The following LRRC27 variants were observed in gnomAD, a reference collection of about 807,000 sequenced individuals.
The protein encoded by LRRC27 is leucine rich repeat containing 27.
LRRC27 carries 57 observed loss-of-function variants against 55.0 expected under a neutral mutation model. That is an observed-to-expected ratio of 1.04 (90% CI 0.84 to 1.29). The LOEUF (loss-of-function observed/expected upper bound fraction) is 1.29. Ranked by LOEUF, LRRC27 falls within the 50% of genes most tolerant of loss-of-function variation. LRRC27 has a pLI of 0.00. For missense variants in LRRC27, 721 were observed against 651.5 expected (o/e 1.11, Z -1.16); for synonymous variants, 278 against 251.9 (o/e 1.10, Z -0.98).
chr10:132,373,438 G>A (rs548641776), intron 10 of LRRC27, among the ~76,000 whole-genome samples: 18 of 152,240 alleles, frequency 1.2e-4, no homozygotes, highest in Non-Finnish European at 2.5e-4. Context: ...AGAGCAGGAC[G>A]GACCCACGGA....
chr10:132,344,291 TG>T (rs756601131), intron 4 of LRRC27, among the ~76,000 whole-genome samples: 1 of 152,244 alleles, frequency 6.6e-6, no homozygotes, highest in African/African-American at 2.4e-5. Flanking sequence ...ATTTGTTTTT[TG>T]GAAACCATCC....
At chr10:132,364,509 C>CACA (rs1564853809) in intron 9 of LRRC27, among the ~76,000 whole-genome samples, 3 of 4,540 alleles carry the variant, frequency 6.6e-4, no homozygotes, top group African/African-American at 1.2e-3. Context: ...TTACATCTAC[C>CACA]TCCACACTCG....
At position 132,374,936 on chromosome 10, in the gene LRRC27, C is replaced by CG. The variant is rs2069310352; in HGVS notation, c.1417-126dup. ...GCCGTGATGCGGCTTGCAGGGGCCC[C>CG]GGGGCAGCGGGGCTGGCTCTGCTGA... On this transcript the variant is annotated intron_variant, in intron 10 of 10. Transcript: ENST00000368614. The surrounding 1 kb of genome is among the most constrained non-coding windows in gnomAD (Gnocchi z 4.4). The CG allele has an allele frequency of 3.9e-6, 4 of 1,013,788 alleles. No individual in the cohort carries two copies. Among genetic ancestry groups the CG allele is most frequent in the Non-Finnish European group, 2.8e-6 (2 of 701,768 alleles). 62.8% of individuals were successfully genotyped at this position (1,013,788 alleles called of 1,614,324 possible). A position where few individuals can be genotyped will look rare whatever the true frequency, so the allele number is the denominator to read the frequency against.
At position 132,333,466 on chromosome 10, in the gene LRRC27, C is replaced by T. The variant is rs773639090; in HGVS notation, c.-48-11C>T. The T allele has an allele frequency of 1.8e-5, 24 of 1,352,830 alleles. No homozygotes were observed. The highest frequency in any genetic ancestry group is 2.3e-5 in the Non-Finnish European group (23 of 1,002,874). The allele number at this position is 1,352,830 out of a possible 1,614,324, so 83.8% of individuals were successfully genotyped here. On this transcript the variant is annotated splice_polypyrimidine_tract_variant and intron_variant, in intron 1 of 10. Coordinates refer to ENST00000368614, the MANE Select transcript of LRRC27 (RefSeq NM_030626.3). ...TAGTTGCTTCTACGTTTCCCTTTCC[C>T]GTGTCTCCAGGTGACTCCAGACCAA...
intron 9 of LRRC27, among the ~76,000 whole-genome samples, chr10:132,364,628 C>G (rs1206749096): frequency 9.8e-5 from 12 of 121,896 alleles, no homozygotes; most frequent in Non-Finnish European, 1.4e-4. Flanking sequence ...TCTACCTCCA[C>G]GCCCACACTT....
Position 132,364,663 on chromosome 10 carries a change from C to T in LRRC27, c.1290-761C>T, listed in dbSNP as rs1194288622. Reference sequence around the variant, plus strand: ...TAACACCCACCCACACTTACATCTACCTGCACACCCACGCTTACACCCACG... The same window carrying T: ...TAACACCCACCCACACTTACATCTATCTGCACACCCACGCTTACACCCACG... On this transcript the variant is annotated intron_variant, in intron 9 of 10. Transcript: ENST00000368614. Among the ~76,000 whole-genome samples, 3 of 126,534 alleles carry T rather than the reference C, an allele frequency of 2.4e-5. 1 individual carries two copies. The highest frequency in any genetic ancestry group is 3.5e-5 in the Non-Finnish European group (2 of 57,586). 83.0% of individuals were successfully genotyped at this position (126,534 alleles called of 152,430 possible).
In LRRC27 at chr10:132,379,814, C is replaced by T. The variant is rs1238698606; in HGVS notation, c.*4572C>T. 3.3e-5 allele frequency: 5 copies of T among 151,776 alleles called. No individual in the cohort carries two copies. The highest frequency in any genetic ancestry group is 9.7e-5 in the African/African-American group (4 of 41,248). The allele number at this position is 151,776 out of a possible 1,614,324, so 9.4% of individuals were successfully genotyped here. A position where few individuals can be genotyped will look rare whatever the true frequency, so the allele number is the denominator to read the frequency against. On this transcript the variant is annotated 3_prime_UTR_variant, in exon 11 of 11. Coordinates refer to ENST00000368614, the MANE Select transcript of LRRC27 (RefSeq NM_030626.3). The stretch of plus-strand genomic sequence containing the variant: ...AACAAGAGTTTGAATTATAAGGGTC[C>T]ACTTATAAGTGGATTTTTAAAAAAA...
rs769930932 is a variant in LRRC27 at position 132,334,140 on chromosome 10, C to T, written c.210+406C>T. 6.6e-5 allele frequency among the ~76,000 whole-genome samples: 10 copies of T among 152,292 alleles called. 1 individual carries two copies. Among genetic ancestry groups the T allele is most frequent in the African/African-American group, 1.7e-4 (7 of 41,556 alleles). ...TTACACACTGGTTTTACTTTGTGCC[C>T]GGCCCTTCTCCGGGTCAGTCCGCAG... On this transcript the variant is annotated intron_variant, in intron 2 of 10. Transcript: ENST00000368614.
At chr10:132,349,188 T>C in intron 6 of LRRC27, 5 of 700,976 alleles carry the variant, frequency 7.1e-6, no homozygotes, top group Non-Finnish European at 1.0e-5. Flanking sequence ...AAGGGGCACA[T>C]TGTCATAGCC....
At chr10:132,336,076 A>G (rs1590589988) in intron 2 of LRRC27, among the ~76,000 whole-genome samples, 1 of 152,332 alleles carries the variant, frequency 6.6e-6, no homozygotes, top group East Asian at 1.9e-4. Context: ...TCCTTCAACC[A>G]TAACCAGCTC....
At chr10:132,369,408 T>C (rs1022204409) in intron 10 of LRRC27, among the ~76,000 whole-genome samples, 2 of 152,160 alleles carry the variant, frequency 1.3e-5, no homozygotes, top group Non-Finnish European at 2.9e-5. Context: ...AACATCCAGA[T>C]AGTGGAACGT....
chr10:132,349,673 G>C (rs1205602151), intron 6 of LRRC27, among the ~76,000 whole-genome samples: 2 of 152,304 alleles, frequency 1.3e-5, no homozygotes, highest in Middle Eastern at 6.8e-3. Context: ...CTTATAATTT[G>C]ATCAATATGT....
At chr10:132,364,777 C>T (rs1276295641) in intron 9 of LRRC27, among the ~76,000 whole-genome samples, 9 of 121,572 alleles carry the variant, frequency 7.4e-5, no homozygotes, top group Non-Finnish European at 3.5e-5. Flanking sequence ...CTTACATCTA[C>T]CTCCACGCCC....
At chr10:132,352,892 C>A in intron 7 of LRRC27, 1 of 1,613,968 alleles carries the variant, frequency 6.2e-7, no homozygotes, top group Non-Finnish European at 8.5e-7. Flanking sequence ...TCCTTTCCTC[C>A]TCATTTTCCC....
rs1445698904 is a variant in LRRC27, at chr10:132,371,619, C to T, written c.1417-3447C>T. Among the ~76,000 whole-genome samples the T allele has an allele frequency of 4.6e-5, 7 of 152,358 alleles. No individual in the cohort carries two copies. The East Asian group carries it at 1.3e-3, about 29-fold the overall frequency. On this transcript the variant is annotated intron_variant, in intron 10 of 10. Transcript: ENST00000368614. ...TTCCTGTAATAATAGAGCCCCACGT[C>T]TCAGCTGGGCACAGGCTGCCCCACA...
At chr10:132,330,470 T>C, upstream of LRRC27, 3 of 717,208 alleles carry the variant, frequency 4.2e-6, no homozygotes, top group East Asian at 8.1e-5. Flanking sequence ...AAGGTACTGG[T>C]TGTGCTTTCA....
At chr10:132,337,046 CTTTG>C in intron 2 of LRRC27, 1 of 1,284,100 alleles carries the variant, frequency 7.8e-7, no homozygotes, top group Non-Finnish European at 1.0e-6. Context: ...CTCGCTGAGG[CTTTG>C]TTTGCTGCTG....
chr10:132,331,253 T>C (rs1431218691), upstream of LRRC27, among the ~76,000 whole-genome samples: 4 of 147,568 alleles, frequency 2.7e-5, no homozygotes, highest in Admixed American at 2.7e-4. Context: ...CCAGCTAAAC[T>C]GTCCGGGTTT....
At position 132,380,463 on chromosome 10, in the gene LRRC27, G is replaced by A. The variant is rs1451396078; in HGVS notation, c.*5221G>A. ...TGTGGTGCTAATCTCTGCACGAGCGGTTCATGTCTTCAGTACATTGTGTAT... is the reference window on the plus strand; with the variant it reads ...TGTGGTGCTAATCTCTGCACGAGCGATTCATGTCTTCAGTACATTGTGTAT... On this transcript the variant is annotated 3_prime_UTR_variant, in exon 11 of 11. Coordinates refer to ENST00000368614, the MANE Select transcript of LRRC27 (RefSeq NM_030626.3). 6.6e-6 allele frequency among the ~76,000 whole-genome samples: 1 copy of A among 152,136 alleles called. No homozygotes were observed. Among genetic ancestry groups the A allele is most frequent in the Admixed American group, 6.5e-5 (1 of 15,270 alleles).
Sources: allele counts gnomAD v4.1 joint callset (sites outside exome capture counted in the v4.1 genomes callset), GRCh38; gene constraint gnomAD v4.1.1; non-coding constraint Gnocchi (gnomAD v3.1); transcripts MANE v1.5; gene names NCBI Gene and HGNC (gene_info 2026-07-23, HGNC 2026-07-21).